CYTH4: variants seen among roughly 807,000 people sequenced by gnomAD.
CYTH4 encodes cytohesin 4.
A neutral mutation model predicts 57.5 loss-of-function variants in CYTH4; 22 were observed. The observed-to-expected ratio is 0.38, with a 90% confidence interval of 0.27 to 0.55. CYTH4 has a LOEUF of 0.55. Ranked by LOEUF, CYTH4 falls within the 20% of genes least tolerant of loss-of-function variation. The pLI is 0.74. For missense variants in CYTH4, 420 were observed against 535.6 expected (o/e 0.78, Z 2.13); for synonymous variants, 186 against 206.5 (o/e 0.90, Z 0.85).
chr22:37,311,518 C>A lies in CYTH4; in HGVS notation c.948C>A (p.Pro316=), dbSNP rs1215424598. ...ENLSVQKVDD[P]KKPFCLELYN... ...TCTCGGTGCAGAAGGTGGATGACCC[C>A]AAGAAGCCAGTAGGTGTTCAGGTTG... The change falls in exon 11 of 13, where the codon CCC becomes CCA. Residue 316 remains proline, a synonymous_variant. Transcript: ENST00000248901. The surrounding 1 kb of genome is among the most constrained non-coding windows in gnomAD (Gnocchi z 4.4). The A allele has an allele frequency of 2.5e-6, 4 of 1,613,866 alleles. No individual in the cohort carries two copies. The Admixed American group carries it at 5.0e-5, about 20-fold the overall frequency.
At chr22:37,299,327 G>T in intron 6 of CYTH4, 21 bp downstream of exon 6, 4 of 1,611,738 alleles carry the variant, frequency 2.5e-6, no homozygotes, top group Non-Finnish European at 3.4e-6. Context: ...CTGGGGCAGG[G>T]TCCCGGCCCT....
At chr22:37,312,891 G>A (rs191674334) in intron 12 of CYTH4, among the ~76,000 whole-genome samples, 4 of 152,390 alleles carry the variant, frequency 2.6e-5, no homozygotes, top group Admixed American at 2.6e-4. Context: ...GGTGAGGCCT[G>A]GTGGCCAGAG....
intron 1 of CYTH4, among the ~76,000 whole-genome samples, chr22:37,286,558 G>A (rs1429091301): frequency 6.6e-6 from 1 of 152,142 alleles, no homozygotes. Context: ...GAAGGGGTGG[G>A]GGCAGGGATG....
intron 9 of CYTH4, 97 bp from the exon 10 acceptor site, chr22:37,310,891 G>A: frequency 8.3e-6 from 11 of 1,330,698 alleles, no homozygotes; most frequent in Middle Eastern, 1.9e-4. Flanking sequence ...TCAGCTGGGG[G>A]TCCAGGGGAA....
Position 37,314,586 on chromosome 22 carries a change from A to G in CYTH4, c.*1075A>G. ...CTGACGAGCAGTCCCATGGTGATAA[A>G]GGGCAGCCCGGCGGGTCCCAGCATC... On this transcript the variant is annotated 3_prime_UTR_variant, in exon 13 of 13. Coordinates refer to ENST00000248901, the MANE Select transcript of CYTH4 (RefSeq NM_013385.5). 2.5e-6 allele frequency: 1 copy of G among 396,154 alleles called. No individual in the cohort carries two copies. The highest frequency in any genetic ancestry group is 4.4e-6 in the Non-Finnish European group (1 of 225,052). The allele number at this position is 396,154 out of a possible 1,614,324, so 24.5% of individuals were successfully genotyped here. A position where few individuals can be genotyped will look rare whatever the true frequency, so the allele number is the denominator to read the frequency against.
At chr22:37,299,327 G>A in intron 6 of CYTH4, 21 bp downstream of exon 6, 2 of 1,611,738 alleles carry the variant, frequency 1.2e-6, no homozygotes, top group Non-Finnish European at 8.5e-7. Flanking sequence ...CTGGGGCAGG[G>A]TCCCGGCCCT....
chr22:37,297,101 C>T (rs907274947), intron 4 of CYTH4, among the ~76,000 whole-genome samples: 9 of 152,144 alleles, frequency 5.9e-5, no homozygotes, highest in Admixed American at 3.3e-4. Context: ...CGGTAGGGCC[C>T]GGGCAATTTC....
At chr22:37,305,562 C>T (rs1189851530) in intron 8 of CYTH4, among the ~76,000 whole-genome samples, 1 of 152,164 alleles carries the variant, frequency 6.6e-6, no homozygotes, top group Admixed American at 6.5e-5. Context: ...AGTGGCTAAT[C>T]AATCCTGAAG....
chr22:37,309,053 G>A (rs1929535094), intron 8 of CYTH4, among the ~76,000 whole-genome samples, 159 bp from the exon 9 acceptor site: 1 of 152,072 alleles, frequency 6.6e-6, no homozygotes, highest in African/African-American at 2.4e-5. Flanking sequence ...ACCAGGGAGG[G>A]GCTCACCAAG....
At chr22:37,300,070 G>T (rs190963885) in intron 6 of CYTH4, 6 of 717,486 alleles carry the variant, frequency 8.4e-6, no homozygotes, top group African/African-American at 7.0e-5. Flanking sequence ...AACTTCACAG[G>T]GTTGTGAAGA....
chr22:37,293,873 G>A (rs1036185488), intron 2 of CYTH4, among the ~76,000 whole-genome samples: 1 of 151,976 alleles, frequency 6.6e-6, no homozygotes, highest in African/African-American at 2.4e-5. Flanking sequence ...TCAGACTGCG[G>A]GCGTGTCGTG....
chr22:37,313,322 G>T (rs147108408), intron 12 of CYTH4, 117 bp from the exon 13 acceptor site: 2 of 1,007,920 alleles, frequency 2.0e-6, no homozygotes, highest in Non-Finnish European at 3.1e-6. Flanking sequence ...CCTTTCCCCC[G>T]CGGCAGAGCA....
intron 8 of CYTH4, 106 bp from the exon 9 acceptor site, chr22:37,309,106 C>T: frequency 1.2e-6 from 1 of 831,188 alleles, no homozygotes. Flanking sequence ...AAAGAGTATG[C>T]CTGCAGGTGA....
chr22:37,289,520 G>A (rs1166072023), intron 1 of CYTH4, among the ~76,000 whole-genome samples: 2 of 152,218 alleles, frequency 1.3e-5, no homozygotes, highest in Non-Finnish European at 2.9e-5. Flanking sequence ...TTGTTAGAAA[G>A]TCATAAGGGA....
Position 37,294,643 on chromosome 22 carries a change from C to T in CYTH4, c.103-17C>T, listed in dbSNP as rs961083952. The T allele has an allele frequency of 5.0e-6, 8 of 1,613,384 alleles. No homozygotes were observed. In the African/African-American group the frequency reaches 9.4e-5, roughly 19 times the overall value. Reference sequence around the variant, plus strand: ...TCCACCCCTGACTCTCCCTGTCCTGCCCCTGCCACCCCACAGAAGCTGAAG... The same window carrying T: ...TCCACCCCTGACTCTCCCTGTCCTGTCCCTGCCACCCCACAGAAGCTGAAG... On this transcript the variant is annotated splice_polypyrimidine_tract_variant and intron_variant, in intron 2 of 12. Transcript: ENST00000248901.
chr22:37,308,702 G>T (rs1046556145), intron 8 of CYTH4, among the ~76,000 whole-genome samples: 1 of 151,018 alleles, frequency 6.6e-6, no homozygotes, highest in Admixed American at 6.6e-5. Flanking sequence ...ATGTATGTGT[G>T]AGCATGCATG....
In CYTH4 at chr22:37,314,448, C is replaced by T. The variant is rs898450383; in HGVS notation, c.*937C>T. The T allele has an allele frequency of 2.5e-6, 1 of 398,776 alleles. No homozygotes were observed. The highest frequency in any genetic ancestry group is 4.4e-6 in the Non-Finnish European group (1 of 226,188). The allele number at this position is 398,776 out of a possible 1,614,324, so 24.7% of individuals were successfully genotyped here. The stretch of plus-strand genomic sequence containing the variant: ...CCAAGAAGCCAAGAAGGGAGAGTTT[C>T]GTGCACTGTGGTTAACAGGAGGGCT... On this transcript the variant is annotated 3_prime_UTR_variant, in exon 13 of 13. Transcript: ENST00000248901.
chr22:37,313,762 C>T lies in CYTH4; in HGVS notation c.*251C>T, dbSNP rs1185645745. On this transcript the variant is annotated 3_prime_UTR_variant, in exon 13 of 13. Coordinates refer to ENST00000248901, the MANE Select transcript of CYTH4 (RefSeq NM_013385.5). ...GCTGCAGGCCCCTGCCCTACGTGCA[C>T]TACAGGAAGGGGTGAGGAGAGCAGC... 4 of 531,754 alleles carry T rather than the reference C, an allele frequency of 7.5e-6. No homozygotes were observed. In the East Asian group the frequency reaches 9.5e-5, roughly 13 times the overall value. The allele number at this position is 531,754 out of a possible 1,614,324, so 32.9% of individuals were successfully genotyped here.
chr22:37,303,246 C>T lies in CYTH4; in HGVS notation c.548-8C>T, dbSNP rs989547217. 2 of 1,614,014 alleles carry T rather than the reference C, an allele frequency of 1.2e-6. No homozygotes were observed. The highest frequency in any genetic ancestry group is 1.7e-4 in the Middle Eastern group (1 of 6,056). On this transcript the variant is annotated splice_polypyrimidine_tract_variant and splice_region_variant and intron_variant, in intron 7 of 12. Coordinates refer to ENST00000248901, the MANE Select transcript of CYTH4 (RefSeq NM_013385.5). ...GGGCCAGAACTGTGACCGCTGTCCC[C>T]TCCGCAGACACCTGCTACGTGTTGT... is the stretch of plus-strand genomic sequence containing the variant.
Sources: gnomAD v4.1 joint callset for allele counts (sites outside exome capture counted in the v4.1 genomes callset) on GRCh38, gnomAD v4.1.1 for gene constraint, Gnocchi (gnomAD v3.1) non-coding constraint, MANE v1.5 for transcripts, NCBI Gene and HGNC (gene_info 2026-07-23, HGNC 2026-07-21) for gene names.